Variants in PXDNL observed in about 807,000 individuals in gnomAD.
The protein encoded by PXDNL is peroxidasin like.
PXDNL carries 145 observed loss-of-function variants against 150.8 expected under a neutral mutation model. That is an observed-to-expected ratio of 0.96 (90% CI 0.84 to 1.10). PXDNL has a LOEUF of 1.10. PXDNL is among the 50% of genes least tolerant of loss of function. The probability of loss-of-function intolerance (pLI) is 0.00; values close to 1 mark genes in which losing one functional copy is unlikely to be tolerated. For synonymous variants in PXDNL, 757 were observed against 725.7 expected, an observed-to-expected ratio of 1.04 and a Z score of -0.69; for missense variants, 2,087 against 1,873.9, an observed-to-expected ratio of 1.11 and a Z score of -2.10.
chr8:51,380,696 G>A (rs796215611), intron 17 of PXDNL, among the ~76,000 whole-genome samples: 2 of 151,984 alleles, frequency 1.3e-5, no homozygotes, highest in African/African-American at 4.8e-5. Context: ...ATACAATTTT[G>A]AAGTTGCTGC....
At chr8:51,407,951 G>T in intron 17 of PXDNL, 116 bp downstream of exon 17, 2 of 789,400 alleles carry the variant, frequency 2.5e-6, no homozygotes, top group Non-Finnish European at 3.9e-6. Context: ...ACAATAACAA[G>T]TACTAAAAGC....
intron 4 of PXDNL, among the ~76,000 whole-genome samples, chr8:51,546,592 G>A (rs1375794321): frequency 2.6e-5 from 4 of 152,214 alleles, no homozygotes; most frequent in Non-Finnish European, 5.9e-5. Flanking sequence ...GGTAATAATT[G>A]CAACTGAGCA....
intron 1 of PXDNL, among the ~76,000 whole-genome samples, chr8:51,727,116 C>G (rs774488008): frequency 5.9e-5 from 9 of 152,090 alleles, no homozygotes; most frequent in Non-Finnish European, 1.2e-4. Context: ...TGTTTTGCCT[C>G]AAGAAATAAA....
intron 5 of PXDNL, among the ~76,000 whole-genome samples, chr8:51,493,968 C>A (rs1232996340): frequency 6.7e-4 from 85 of 127,630 alleles, no homozygotes; most frequent in African/African-American, 1.2e-3. Flanking sequence ...AACTCCAAGA[C>A]ACATAATTGT....
intron 17 of PXDNL, among the ~76,000 whole-genome samples, chr8:51,400,555 G>A (rs1808217081): frequency 6.6e-6 from 1 of 152,150 alleles, no homozygotes; most frequent in Non-Finnish European, 1.5e-5. Context: ...TAGACAAATA[G>A]AGCTGCACGC....
At chr8:51,561,004 C>G (rs535978976) in intron 3 of PXDNL, among the ~76,000 whole-genome samples, 9 of 151,076 alleles carry the variant, frequency 6.0e-5, no homozygotes, top group African/African-American at 2.2e-4. Flanking sequence ...AGAAAATATA[C>G]AAGTGACCAA....
rs751174266 is a variant in PXDNL, at chr8:51,413,181, T to C, written c.1873A>G (p.Ile625Val). 1.9e-5 allele frequency: 31 copies of C among 1,608,898 alleles called. No individual in the cohort carries two copies. The highest frequency in any genetic ancestry group is 1.6e-4 in the Middle Eastern group (1 of 6,070). Residue 625 changes from isoleucine to valine, a missense_variant, in exon 15 of 23, where the codon ATT (isoleucine) becomes GTT (valine). Coordinates refer to ENST00000356297, the MANE Select transcript of PXDNL (RefSeq NM_144651.5). ...LDAVQRVDSA[I>V]NSTRRHLFSQ... ...AACAAATGTCTTCGTGTGGAGTTAATTGCACTGTCAACTCTCTGTACAGCA... is the reference window on the plus strand; with the variant it reads ...AACAAATGTCTTCGTGTGGAGTTAACTGCACTGTCAACTCTCTGTACAGCA...
At chr8:51,724,228 G>C (rs1314336701) in intron 1 of PXDNL, among the ~76,000 whole-genome samples, 3 of 151,982 alleles carry the variant, frequency 2.0e-5, no homozygotes, top group Non-Finnish European at 4.4e-5. Context: ...TTAATTGATG[G>C]CATCCAAGTA....
chr8:51,486,780 ATATATATATATATATTTTTTTTTTTTTTT>A lies in PXDNL; in HGVS notation c.453-3095_453-3067del, dbSNP rs1810760994. Among the ~76,000 whole-genome samples the A allele has an allele frequency of 1.1e-4, 2 of 17,800 alleles. 1 individual carries two copies. The highest frequency in any genetic ancestry group is 2.0e-4 in the Non-Finnish European group (2 of 10,252). 11.7% of individuals were successfully genotyped at this position (17,800 alleles called of 152,430 possible). A position where few individuals can be genotyped will look rare whatever the true frequency, so the allele number is the denominator to read the frequency against. ...TATATATATATATATATATATATATATATATATATATATATTTTTTTTTTTTTTTTTTTTTTTTTTTGAGACGGAGTCTC... is the reference window on the plus strand; with the variant it reads ...TATATATATATATATATATATATATATTTTTTTTTTTTGAGACGGAGTCTC... On this transcript the variant is annotated intron_variant, in intron 5 of 22. Coordinates refer to ENST00000356297, the MANE Select transcript of PXDNL (RefSeq NM_144651.5).
At chr8:51,585,960 T>G (rs944646237) in intron 3 of PXDNL, among the ~76,000 whole-genome samples, 1 of 152,108 alleles carries the variant, frequency 6.6e-6, no homozygotes, top group African/African-American at 2.4e-5. Flanking sequence ...TGATTGTGAT[T>G]GCAACCTGTA....
chr8:51,430,886 T>G (rs1380309676), intron 12 of PXDNL, among the ~76,000 whole-genome samples: 5 of 152,204 alleles, frequency 3.3e-5, no homozygotes, highest in African/African-American at 1.2e-4. Flanking sequence ...CAAACTGCCC[T>G]TGTCAATTCA....
At chr8:51,730,749 T>C (rs1816901218) in intron 1 of PXDNL, among the ~76,000 whole-genome samples, 1 of 152,210 alleles carries the variant, frequency 6.6e-6, no homozygotes, top group Non-Finnish European at 1.5e-5. Context: ...TCCACATGGC[T>C]GGGGAGGCCT....
At chr8:51,421,130 A>G (rs950268889) in intron 14 of PXDNL, among the ~76,000 whole-genome samples, 16 of 152,308 alleles carry the variant, frequency 1.1e-4, no homozygotes, top group African/African-American at 3.9e-4. Flanking sequence ...AGCAAGACAG[A>G]GGGGCAATAC....
At chr8:51,402,971 T>TC (rs1808307711) in intron 17 of PXDNL, among the ~76,000 whole-genome samples, 1 of 150,544 alleles carries the variant, frequency 6.6e-6, no homozygotes, top group Non-Finnish European at 1.5e-5. Flanking sequence ...GCGCCTATAG[T>TC]CCCAGCTACT....
At chr8:51,669,786 T>C (rs1472956725) in intron 1 of PXDNL, among the ~76,000 whole-genome samples, 1 of 152,224 alleles carries the variant, frequency 6.6e-6, no homozygotes. Context: ...GCTAATCTAA[T>C]GGATGGGATT....
At chr8:51,690,391 A>G (rs1397986722) in intron 1 of PXDNL, among the ~76,000 whole-genome samples, 2 of 152,054 alleles carry the variant, frequency 1.3e-5, no homozygotes, top group Non-Finnish European at 2.9e-5. Flanking sequence ...TCATTGTTCA[A>G]TTCCATCTGT....
chr8:51,620,367 G>A (rs1814225393), intron 2 of PXDNL, among the ~76,000 whole-genome samples: 1 of 152,130 alleles, frequency 6.6e-6, no homozygotes, highest in South Asian at 2.1e-4. Context: ...TTCCAAATCT[G>A]CTGTACACAA....
Position 51,760,361 on chromosome 8 carries a change from A to T in PXDNL, c.164+48820T>A, listed in dbSNP as rs1000414499. On this transcript the variant is annotated intron_variant, in intron 1 of 22. Transcript: ENST00000356297. ...GTAGTATGGTTTACTAGGCTTAATT[A>T]AAAAAAAAAAAGCTATTGTGAAATT... 1.9e-4 allele frequency among the ~76,000 whole-genome samples: 27 copies of T among 143,782 alleles called. No individual in the cohort carries two copies. In the East Asian group the frequency reaches 2.2e-3, roughly 12 times the overall value. 94.3% of individuals were successfully genotyped at this position (143,782 alleles called of 152,430 possible).
chr8:51,536,281 A>C (rs1812076728), intron 4 of PXDNL, among the ~76,000 whole-genome samples: 1 of 152,244 alleles, frequency 6.6e-6, no homozygotes, highest in Non-Finnish European at 1.5e-5. Context: ...GGAGAGAAAA[A>C]AACCTTGTAC....
Sources: allele counts gnomAD v4.1 joint callset (sites outside exome capture counted in the v4.1 genomes callset), GRCh38; gene constraint gnomAD v4.1.1; transcripts MANE v1.5; gene names NCBI Gene and HGNC (gene_info 2026-07-23, HGNC 2026-07-21).